The following SDK1 variants were observed in gnomAD, a reference collection of about 807,000 sequenced individuals.
SDK1 encodes protein sidekick-1.
SDK1 carries 157 observed loss-of-function variants against 245.5 expected under a neutral mutation model. The ratio of observed to expected loss-of-function variants is 0.64; its 90% confidence interval spans 0.56 to 0.73. SDK1 has a LOEUF of 0.73. Ranked by LOEUF, SDK1 falls within the 30% of genes least tolerant of loss-of-function variation. The probability of loss-of-function intolerance (pLI) is 0.00; values close to 1 mark genes in which losing one functional copy is unlikely to be tolerated. For synonymous variants in SDK1, 1,647 were observed against 1,278.5 expected (o/e 1.29, Z -6.15); for missense variants, 3,583 against 3,002.3 (o/e 1.19, Z -4.52).
intron 17 of SDK1, among the ~76,000 whole-genome samples, chr7:4,034,987 A>C (rs967775990): frequency 1.3e-5 from 2 of 152,044 alleles, no homozygotes; most frequent in Non-Finnish European, 2.9e-5. Flanking sequence ...CACTAAATTA[A>C]TTTTTTTTGG....
chr7:3,915,416 T>A (rs1441759375), intron 5 of SDK1, among the ~76,000 whole-genome samples: 1 of 152,176 alleles, frequency 6.6e-6, no homozygotes, highest in Non-Finnish European at 1.5e-5. Flanking sequence ...AATTGAATCA[T>A]AGGGGTGGGT....
intron 35 of SDK1, among the ~76,000 whole-genome samples, chr7:4,195,090 A>T (rs1004855521): frequency 6.6e-6 from 1 of 152,228 alleles, no homozygotes; most frequent in African/African-American, 2.4e-5. Flanking sequence ...TGTATTTTTA[A>T]TTGACATATA....
At chr7:3,499,884 G>T (rs942904245) in intron 1 of SDK1, among the ~76,000 whole-genome samples, 5 of 152,186 alleles carry the variant, frequency 3.3e-5, no homozygotes, top group African/African-American at 1.2e-4. Flanking sequence ...ACAGAAGTAT[G>T]TTTGTAAGTT....
chr7:3,677,385 C>T (rs1783938298), intron 4 of SDK1, among the ~76,000 whole-genome samples: 1 of 152,196 alleles, frequency 6.6e-6, no homozygotes, highest in African/African-American at 2.4e-5. Flanking sequence ...TTAATGGACT[C>T]ACAGTTCCAC....
chr7:3,854,182 G>T (rs987825063), intron 5 of SDK1, among the ~76,000 whole-genome samples: 4 of 151,990 alleles, frequency 2.6e-5, no homozygotes, highest in African/African-American at 4.8e-5. Context: ...AGGAGCCAAA[G>T]GTTATGTACG....
intron 1 of SDK1, among the ~76,000 whole-genome samples, chr7:3,494,627 A>G (rs1474373003): frequency 1.3e-5 from 2 of 152,236 alleles, no homozygotes; most frequent in Admixed American, 6.5e-5. Context: ...TCTAACTGCA[A>G]CTACCAACCC....
At chr7:3,978,665 C>T (rs989874278) in intron 13 of SDK1, among the ~76,000 whole-genome samples, 28 of 152,204 alleles carry the variant, frequency 1.8e-4, no homozygotes, top group African/African-American at 5.1e-4. Flanking sequence ...AATAATAACC[C>T]GTGATTGCAG....
intron 1 of SDK1, among the ~76,000 whole-genome samples, chr7:3,612,022 TCACTCC>T (rs757511609): frequency 2.5e-4 from 38 of 152,148 alleles, no homozygotes; most frequent in Non-Finnish European, 5.1e-4. Context: ...TTGTATCTTC[TCACTCC>T]TAAGTGGGAG....
At chr7:3,906,235 G>C (rs901613269) in intron 5 of SDK1, among the ~76,000 whole-genome samples, 1 of 151,908 alleles carries the variant, frequency 6.6e-6, no homozygotes, top group Non-Finnish European at 1.5e-5. Flanking sequence ...TTTTCATCGT[G>C]TTCTATTATT....
chr7:4,109,871 A>G (rs1036039903), intron 22 of SDK1, among the ~76,000 whole-genome samples: 4 of 152,244 alleles, frequency 2.6e-5, no homozygotes, highest in African/African-American at 7.2e-5. Flanking sequence ...AATGCTACTG[A>G]GCAGGGAGAT....
intron 4 of SDK1, among the ~76,000 whole-genome samples, chr7:3,709,453 G>T (rs1050673741): frequency 2.0e-5 from 3 of 152,136 alleles, no homozygotes; most frequent in African/African-American, 7.2e-5. Flanking sequence ...GGCTTTCTCT[G>T]TGGACTGGAT....
At chr7:3,500,207 A>C (rs1302361714) in intron 1 of SDK1, among the ~76,000 whole-genome samples, 25 of 152,190 alleles carry the variant, frequency 1.6e-4, no homozygotes, top group Admixed American at 1.1e-3. Flanking sequence ...TCCTGTGATC[A>C]CATTTCTCTG....
chr7:3,550,489 G>A (rs565601459), intron 1 of SDK1, among the ~76,000 whole-genome samples: 14 of 152,236 alleles, frequency 9.2e-5, no homozygotes, highest in Admixed American at 6.5e-4. Context: ...GCTCTTCTGG[G>A]CCACTGCTGG....
chr7:3,683,619 C>T (rs1203006746), intron 4 of SDK1, among the ~76,000 whole-genome samples: 1 of 152,226 alleles, frequency 6.6e-6, no homozygotes, highest in East Asian at 1.9e-4. Context: ...CTCCACCTCA[C>T]AGCTAACATT....
At chr7:3,756,082 G>C (rs1256656660) in intron 4 of SDK1, among the ~76,000 whole-genome samples, 1 of 146,106 alleles carries the variant, frequency 6.8e-6, no homozygotes, top group Non-Finnish European at 1.5e-5. Flanking sequence ...CTTTCACATG[G>C]CATAGCACAT....
intron 1 of SDK1, among the ~76,000 whole-genome samples, chr7:3,307,584 G>C (rs527336457): frequency 3.1e-4 from 47 of 152,298 alleles, no homozygotes; most frequent in Non-Finnish European, 5.7e-4. Flanking sequence ...GTGTTTAGGT[G>C]GTTGGCTTCC....
rs1782964585 is a variant in SDK1 at position 3,650,128 on chromosome 7, C to A, written c.713+8023C>A. Among the ~76,000 whole-genome samples, 2 of 152,162 alleles carry A rather than the reference C, an allele frequency of 1.3e-5. 1 individual carries two copies. The highest frequency in any genetic ancestry group is 4.1e-4 in the South Asian group (2 of 4,830). The stretch of plus-strand genomic sequence containing the variant: ...GCCATGGCATGATCATAGCCCGCTG[C>A]AGTTTCAAGCTCCTGGGCTCAAGCC... On this transcript the variant is annotated intron_variant, in intron 4 of 44. Coordinates refer to ENST00000404826, the MANE Select transcript of SDK1 (RefSeq NM_152744.4).
intron 13 of SDK1, among the ~76,000 whole-genome samples, chr7:3,979,503 A>T (rs1376058145): frequency 6.6e-6 from 1 of 152,120 alleles, no homozygotes; most frequent in African/African-American, 2.4e-5. Context: ...GTAGGAACCT[A>T]ATAAATGTCT....
At chr7:3,831,206 T>C (rs1779904725) in intron 5 of SDK1, among the ~76,000 whole-genome samples, 2 of 152,210 alleles carry the variant, frequency 1.3e-5, no homozygotes, top group African/African-American at 4.8e-5. Context: ...TGAGACCACA[T>C]AGAACAAGTT....
Sources: allele counts gnomAD v4.1 joint callset (sites outside exome capture counted in the v4.1 genomes callset), GRCh38; gene constraint gnomAD v4.1.1; transcripts MANE v1.5; gene names NCBI Gene and HGNC (gene_info 2026-07-23, HGNC 2026-07-21).